The following CSMD3 variants were observed in gnomAD, a reference collection of about 807,000 sequenced individuals.
CSMD3 encodes the protein CUB and sushi domain-containing protein 3.
Under a neutral mutation model 435.2 loss-of-function variants are expected in CSMD3, and 177 were observed. That is an observed-to-expected ratio of 0.41 (90% CI 0.36 to 0.46). The LOEUF is 0.46. Among genes scored for constraint, CSMD3 ranks in the 20% least tolerant of loss-of-function variants. The pLI is 0.34. For synonymous variants in CSMD3, 1,656 were observed against 1,520.5 expected, an observed-to-expected ratio of 1.09 and a Z score of -2.07; for missense variants, 4,265 against 4,504.6, an observed-to-expected ratio of 0.95 and a Z score of 1.52.
At chr8:112,699,145 C>T (rs1490960538) in intron 13 of CSMD3, among the ~76,000 whole-genome samples, 3 of 152,102 alleles carry the variant, frequency 2.0e-5, no homozygotes, top group African/African-American at 7.2e-5. Flanking sequence ...GCTGTGGAAG[C>T]TTTGTTCTTT....
At chr8:113,075,812 A>T (rs2089312182) in intron 5 of CSMD3, among the ~76,000 whole-genome samples, 1 of 151,898 alleles carries the variant, frequency 6.6e-6, no homozygotes, top group Non-Finnish European at 1.5e-5. Context: ...AAATTTGTAA[A>T]GTATGCTACT....
chr8:113,356,251 T>G (rs2094226864), intron 1 of CSMD3, among the ~76,000 whole-genome samples: 1 of 152,112 alleles, frequency 6.6e-6, no homozygotes, highest in African/African-American at 2.4e-5. Context: ...ACCCCCAGTT[T>G]TAGTGCATAT....
intron 23 of CSMD3, among the ~76,000 whole-genome samples, chr8:112,583,145 G>T (rs1451272522): frequency 6.6e-6 from 1 of 152,006 alleles, no homozygotes; most frequent in Non-Finnish European, 1.5e-5. Context: ...TTCCGGAAGT[G>T]TGAAGAAAAG....
intron 5 of CSMD3, among the ~76,000 whole-genome samples, chr8:113,029,257 C>T (rs961716798): frequency 6.6e-6 from 1 of 151,268 alleles, no homozygotes; most frequent in Non-Finnish European, 1.5e-5. Context: ...AAGAAGGAAC[C>T]CTCCCTAATT....
chr8:113,126,329 T>C (rs966949066), intron 4 of CSMD3, among the ~76,000 whole-genome samples: 5 of 151,940 alleles, frequency 3.3e-5, no homozygotes, highest in African/African-American at 1.2e-4. Context: ...CTGTGGCCTT[T>C]TAATGTCCAA....
intron 4 of CSMD3, among the ~76,000 whole-genome samples, chr8:113,145,088 C>A (rs149689722): frequency 6.6e-6 from 1 of 151,442 alleles, no homozygotes. Context: ...GTGTGCAGAA[C>A]TGATAATATA....
intron 10 of CSMD3, among the ~76,000 whole-genome samples, chr8:112,887,189 C>A (rs1587581723): frequency 7.0e-6 from 1 of 141,944 alleles, no homozygotes; most frequent in Admixed American, 7.1e-5. Context: ...TTTGTTGTTA[C>A]AATTATTTGT....
At chr8:112,980,136 C>CGA (rs1482968465) in intron 6 of CSMD3, among the ~76,000 whole-genome samples, 1 of 150,444 alleles carries the variant, frequency 6.6e-6, no homozygotes, top group Non-Finnish European at 1.5e-5. Context: ...AATAATACCT[C>CGA]ATGATAGAAT....
At chr8:113,224,023 G>A (rs1275783927) in intron 3 of CSMD3, among the ~76,000 whole-genome samples, 2 of 151,068 alleles carry the variant, frequency 1.3e-5, no homozygotes, top group Non-Finnish European at 1.5e-5. Context: ...CTTCAGTTAA[G>A]ACAAATGAAC....
intron 17 of CSMD3, among the ~76,000 whole-genome samples, chr8:112,659,031 A>G (rs1015469673): frequency 6.6e-6 from 1 of 152,186 alleles, no homozygotes; most frequent in African/African-American, 2.4e-5. Context: ...TTGAAATTGG[A>G]GTTTGACTTT....
intron 10 of CSMD3, among the ~76,000 whole-genome samples, chr8:112,909,444 A>G (rs1039252171): frequency 2.0e-5 from 3 of 151,796 alleles, no homozygotes; most frequent in Non-Finnish European, 4.4e-5. Context: ...GAAATAAGCC[A>G]CTAAAGCAAA....
intron 16 of CSMD3, among the ~76,000 whole-genome samples, chr8:112,669,446 A>G (rs918319157): frequency 2.0e-5 from 3 of 152,232 alleles, no homozygotes; most frequent in Non-Finnish European, 4.4e-5. Context: ...TGCCATATCC[A>G]TATATTGCCT....
intron 13 of CSMD3, among the ~76,000 whole-genome samples, chr8:112,692,532 G>A (rs2076159956): frequency 6.6e-6 from 1 of 152,150 alleles, no homozygotes; most frequent in Admixed American, 6.5e-5. Flanking sequence ...AATTATTTAT[G>A]CCTTCAATGT....
intron 5 of CSMD3, among the ~76,000 whole-genome samples, chr8:113,080,105 C>T (rs941599425): frequency 3.3e-5 from 5 of 151,912 alleles, no homozygotes; most frequent in Non-Finnish European, 5.9e-5. Flanking sequence ...TTTATTTAGC[C>T]GTTAACATGT....
intron 31 of CSMD3, 87 bp downstream of exon 31, chr8:112,492,402 G>T: frequency 1.0e-6 from 1 of 1,001,540 alleles, no homozygotes. Flanking sequence ...ATGTGGAATA[G>T]TTGATGTTCT....
intron 6 of CSMD3, among the ~76,000 whole-genome samples, chr8:112,991,781 C>A (rs2085465299): frequency 6.6e-6 from 1 of 151,752 alleles, no homozygotes. Context: ...TTCCTTGAGT[C>A]AACCCAGTGA....
chr8:112,717,068 T>C (rs1173924426), intron 13 of CSMD3, among the ~76,000 whole-genome samples: 1 of 152,008 alleles, frequency 6.6e-6, no homozygotes, highest in Non-Finnish European at 1.5e-5. Flanking sequence ...AATTGACAAA[T>C]GGGATCTAAT....
intron 4 of CSMD3, among the ~76,000 whole-genome samples, chr8:113,166,708 T>C (rs1260451082): frequency 6.6e-6 from 1 of 152,104 alleles, no homozygotes; most frequent in African/African-American, 2.4e-5. Context: ...AAGTTCCTTT[T>C]AATGCTGAAA....
intron 37 of CSMD3, among the ~76,000 whole-genome samples, chr8:112,382,551 TTGAG>T (rs1391522149): frequency 3.3e-5 from 5 of 152,190 alleles, no homozygotes; most frequent in Admixed American, 1.3e-4. Context: ...CATATCTGAA[TTGAG>T]TAAGTTAATA....
Sources: allele counts gnomAD v4.1 joint callset (sites outside exome capture counted in the v4.1 genomes callset), GRCh38; gene constraint gnomAD v4.1.1; transcripts MANE v1.5; gene names NCBI Gene and HGNC (gene_info 2026-07-23, HGNC 2026-07-21).